RASGRF2: variants seen among roughly 807,000 people sequenced by gnomAD.
RASGRF2 encodes the protein ras-specific guanine nucleotide-releasing factor 2.
In RASGRF2, 76 loss-of-function variants were observed where a neutral mutation model predicts 151.0. The observed-to-expected ratio is 0.50, with a 90% CI of 0.42 to 0.61. RASGRF2 has a LOEUF of 0.61. Ranked by LOEUF, RASGRF2 falls within the 20% of genes least tolerant of loss-of-function variation. The probability of loss-of-function intolerance (pLI) is 0.00; values close to 1 mark genes in which losing one functional copy is unlikely to be tolerated. For synonymous variants in RASGRF2, 504 were observed against 566.5 expected, an observed-to-expected ratio of 0.89 and a Z score of 1.57; for missense variants, 1,148 against 1,564.6, an observed-to-expected ratio of 0.73 and a Z score of 4.49.
chr5:81,036,757 C>T (rs1174575947), intron 1 of RASGRF2, among the ~76,000 whole-genome samples: 2 of 152,090 alleles, frequency 1.3e-5, no homozygotes, highest in African/African-American at 4.8e-5. Flanking sequence ...TTCTGTACAG[C>T]TGTCATTCAG....
At chr5:81,195,653 C>T (rs1186352432) in intron 18 of RASGRF2, among the ~76,000 whole-genome samples, 3 of 151,320 alleles carry the variant, frequency 2.0e-5, no homozygotes, top group Non-Finnish European at 4.4e-5. Flanking sequence ...CCAGCAGCAT[C>T]AGCATCACCC....
intron 2 of RASGRF2, among the ~76,000 whole-genome samples, chr5:81,060,728 A>G (rs985167392): frequency 1.3e-5 from 2 of 152,192 alleles, no homozygotes; most frequent in African/African-American, 4.8e-5. Flanking sequence ...TTATAATCCC[A>G]ATGCATGAAG....
intron 1 of RASGRF2, among the ~76,000 whole-genome samples, chr5:80,996,661 G>A (rs1193297506): frequency 6.8e-6 from 1 of 146,382 alleles, no homozygotes; most frequent in Non-Finnish European, 1.5e-5. Flanking sequence ...GTGCAGTGGC[G>A]CAATCTTGGC....
At chr5:81,110,199 G>A (rs564883783) in intron 13 of RASGRF2, among the ~76,000 whole-genome samples, 23 of 152,274 alleles carry the variant, frequency 1.5e-4, no homozygotes, top group African/African-American at 3.9e-4. Context: ...CTGACAGGGC[G>A]TCACTTTGTA....
At chr5:81,019,444 T>C (rs1336051326) in intron 1 of RASGRF2, 2 of 152,190 alleles carry the variant, frequency 1.3e-5, no homozygotes, top group Non-Finnish European at 2.9e-5. Flanking sequence ...AGCATCTGAC[T>C]TGTGAGGTTA....
At chr5:81,183,826 T>G (rs1754969606) in intron 18 of RASGRF2, among the ~76,000 whole-genome samples, 1 of 152,198 alleles carries the variant, frequency 6.6e-6, no homozygotes, top group Admixed American at 6.5e-5. Context: ...AGAACAACCA[T>G]CCCTGCTTTA....
chr5:81,215,980 T>C, intron 24 of RASGRF2, 25 bp downstream of exon 24: 1 of 1,464,400 alleles, frequency 6.8e-7, no homozygotes, highest in Non-Finnish European at 9.0e-7. Context: ...ATTATTAAAT[T>C]ATTCATAATT....
At chr5:80,965,016 G>C (rs756108120) in intron 1 of RASGRF2, among the ~76,000 whole-genome samples, 22 of 151,962 alleles carry the variant, frequency 1.4e-4, no homozygotes, top group Non-Finnish European at 2.4e-4. Context: ...ACTTGTTTTG[G>C]GGGGTAAAAT....
intron 17 of RASGRF2, among the ~76,000 whole-genome samples, chr5:81,174,634 C>A (rs1254577907): frequency 6.6e-6 from 1 of 152,194 alleles, no homozygotes; most frequent in Non-Finnish European, 1.5e-5. Flanking sequence ...AATGCAGATT[C>A]TTTAAACATA....
chr5:81,203,048 T>C (rs1755432496), intron 19 of RASGRF2, among the ~76,000 whole-genome samples: 1 of 152,246 alleles, frequency 6.6e-6, no homozygotes, highest in Non-Finnish European at 1.5e-5. Flanking sequence ...ACTTTTTCCA[T>C]TCTATGAAAA....
At chr5:81,043,806 A>G (rs1048078393) in intron 2 of RASGRF2, among the ~76,000 whole-genome samples, 5 of 151,990 alleles carry the variant, frequency 3.3e-5, no homozygotes, top group Admixed American at 6.6e-5. Flanking sequence ...TCTTCACCTG[A>G]TGAGCCTTCC....
chr5:80,975,876 G>A (rs964355295), intron 1 of RASGRF2, among the ~76,000 whole-genome samples: 1 of 144,376 alleles, frequency 6.9e-6, no homozygotes, highest in Non-Finnish European at 1.5e-5. Context: ...TTTTTGAGAC[G>A]GAGTTTTGTT....
intron 17 of RASGRF2, among the ~76,000 whole-genome samples, chr5:81,153,513 G>A (rs762364470): frequency 1.3e-5 from 2 of 152,190 alleles, no homozygotes; most frequent in Non-Finnish European, 2.9e-5. Context: ...AGAGTGTCCT[G>A]AAAGGAATGC....
intron 2 of RASGRF2, among the ~76,000 whole-genome samples, chr5:81,055,168 A>G (rs1416674556): frequency 6.6e-6 from 1 of 152,152 alleles, no homozygotes; most frequent in Non-Finnish European, 1.5e-5. Context: ...ACTATGTTGA[A>G]TAGGAGTGCT....
At chr5:81,066,204 A>G (rs1326964175) in intron 2 of RASGRF2, among the ~76,000 whole-genome samples, 2 of 151,992 alleles carry the variant, frequency 1.3e-5, no homozygotes, top group Admixed American at 6.6e-5. Flanking sequence ...AGACTCTTCT[A>G]TCTTTTCTTC....
chr5:81,179,614 T>C (rs752132308), intron 17 of RASGRF2, among the ~76,000 whole-genome samples: 4 of 152,236 alleles, frequency 2.6e-5, no homozygotes, highest in Non-Finnish European at 5.9e-5. Context: ...ACCTGGCATA[T>C]TTACTATTTG....
At chr5:81,127,230 C>G in intron 17 of RASGRF2, 67 bp downstream of exon 17, 1 of 1,492,584 alleles carries the variant, frequency 6.7e-7, no homozygotes, top group African/African-American at 1.4e-5. Context: ...CCGTGTCTGC[C>G]AGTGTCTTGA....
chr5:81,059,325 AG>A (rs1292161721), intron 2 of RASGRF2, among the ~76,000 whole-genome samples: 3 of 148,596 alleles, frequency 2.0e-5, no homozygotes, highest in African/African-American at 7.4e-5. Flanking sequence ...CGGAGGTTGC[AG>A]TGAGTTGATA....
At chr5:81,132,053 C>G (rs1174323981) in intron 17 of RASGRF2, among the ~76,000 whole-genome samples, 2 of 152,196 alleles carry the variant, frequency 1.3e-5, no homozygotes, top group Non-Finnish European at 2.9e-5. Flanking sequence ...CACTTTCTAT[C>G]CTTGCTTTGT....
Sources: allele counts gnomAD v4.1 joint callset (sites outside exome capture counted in the v4.1 genomes callset), GRCh38; gene constraint gnomAD v4.1.1; transcripts MANE v1.5; gene names NCBI Gene and HGNC (gene_info 2026-07-23, HGNC 2026-07-21).